Variants in MARS1 observed in about 807,000 individuals in gnomAD.
MARS1 encodes the protein methionyl-tRNA synthetase 1.
Under a neutral mutation model 119.5 loss-of-function variants are expected in MARS1, and 80 were observed. The observed-to-expected ratio is 0.67, with a 90% confidence interval of 0.56 to 0.81. MARS1 has a LOEUF of 0.81. Ranked by LOEUF, MARS1 falls within the 30% of genes least tolerant of loss-of-function variation. The pLI, the probability that MARS1 is intolerant of heterozygous loss-of-function variation, is 0.00. For synonymous variants in MARS1, 418 were observed against 433.4 expected, an observed-to-expected ratio of 0.96 and a Z score of 0.44; for missense variants, 945 against 1,116.5, an observed-to-expected ratio of 0.85 and a Z score of 2.19.
In MARS1 at chr12:57,498,492, C is replaced by A. The variant is rs976087211; in HGVS notation, c.960C>A (p.Thr320=). ...ATGAGTATGGTACAGCAACAGAGAC[C>A]AAGGCTCTGGAGGAGGGACTAACCC... is the stretch of plus-strand genomic sequence containing the variant. ...GTDEYGTATE[T]KALEEGLTPQ... The change falls in exon 9 of 21, where the codon ACC becomes ACA. Residue 320 remains threonine, a synonymous_variant. Transcript: ENST00000262027. 3 of 1,614,050 alleles carry A rather than the reference C, an allele frequency of 1.9e-6. No individual in the cohort carries two copies. Among genetic ancestry groups the A allele is most frequent in the African/African-American group, 2.7e-5 (2 of 74,916 alleles).
At chr12:57,503,550 CTTT>C (rs1157697922) in intron 10 of MARS1, among the ~76,000 whole-genome samples, 1 of 140,310 alleles carries the variant, frequency 7.1e-6, no homozygotes. Context: ...TGTCTTTTTC[CTTT>C]TTTTTTTTTT....
intron 7 of MARS1, among the ~76,000 whole-genome samples, chr12:57,493,538 A>T (rs1486192056): frequency 1.3e-4 from 1 of 7,838 alleles, no homozygotes; most frequent in African/African-American, 3.8e-4. Flanking sequence ...ATAATATATA[A>T]TATATTATAA....
Position 57,511,690 on chromosome 12 carries a change from TATCTC to T in MARS1, c.1369-6_1369-2del. 1.9e-6 allele frequency: 3 copies of T among 1,614,060 alleles called. No homozygotes were observed. The highest frequency in any genetic ancestry group is 1.1e-5 in the South Asian group (1 of 91,082). ...TCCTAAATCAGCCCTCTTTCTCCGT[TATCTC>T]AGCTGGAGAAGCGACTGGAGGAGTG... On this transcript the variant is annotated splice_region_variant and splice_polypyrimidine_tract_variant and intron_variant, in intron 11 of 20. Transcript: ENST00000262027.
chr12:57,490,052 C>T, intron 5 of MARS1, 81 bp downstream of exon 5: 1 of 1,477,250 alleles, frequency 6.8e-7, no homozygotes, highest in Non-Finnish European at 9.5e-7. Context: ...TGAGAACTCC[C>T]TTCAAGGTAC....
At position 57,491,313 on chromosome 12, in the gene MARS1, A is replaced by G. The variant is rs142525212; in HGVS notation, c.770+669A>G. Reference sequence around the variant, plus strand: ...CACCTCTACAGGCATCTCAAATTCAACATATCCAAAACCAAACCTGTTACC... The same window carrying G: ...CACCTCTACAGGCATCTCAAATTCAGCATATCCAAAACCAAACCTGTTACC... On this transcript the variant is annotated intron_variant, in intron 7 of 20. Transcript: ENST00000262027. Among the ~76,000 whole-genome samples the G allele has an allele frequency of 8.0e-4, 122 of 152,270 alleles. 1 individual carries two copies. In the East Asian group the frequency reaches 0.018, roughly 22 times the overall value.
chr12:57,488,191 G>A lies in MARS1; in HGVS notation c.101G>A (p.Gly34Asp), dbSNP rs761611879. The change falls in exon 1 of 21, where the codon GGC becomes GAC. Residue 34 changes from glycine (G) to aspartate (D), a missense_variant. Physicochemically the swap from Gly to Asp is moderately conservative, Grantham distance 94. Transcript: ENST00000262027. ...GCAGAGGTGCTCATCAGCACTGTAGGCCCGGAAGGTACTCGTGCTGGTGCT... is the reference window on the plus strand; with the variant it reads ...GCAGAGGTGCTCATCAGCACTGTAGACCCGGAAGGTACTCGTGCTGGTGCT... ...GRAEVLISTV[G>D]PEDCVVPFLT... 2 of 1,611,410 alleles carry A rather than the reference G, an allele frequency of 1.2e-6. No homozygotes were observed. The highest frequency in any genetic ancestry group is 2.2e-5 in the East Asian group (1 of 44,812).
intron 14 of MARS1, 58 bp from the exon 15 acceptor site, chr12:57,512,693 T>C: frequency 7.5e-7 from 1 of 1,327,030 alleles, no homozygotes; most frequent in South Asian, 1.2e-5. Context: ...GTTAGTGGGC[T>C]AGAGAGGGGA....
At chr12:57,504,324 A>G (rs1469602885) in intron 11 of MARS1, 25 bp downstream of exon 11, 5 of 1,597,776 alleles carry the variant, frequency 3.1e-6, no homozygotes, top group African/African-American at 1.3e-5. Context: ...CTCTCAACCT[A>G]GTTTTCAGGA....
chr12:57,507,616 C>T (rs1877260101), intron 11 of MARS1, among the ~76,000 whole-genome samples: 1 of 133,954 alleles, frequency 7.5e-6, no homozygotes, highest in African/African-American at 2.7e-5. Context: ...GGGGTCTGGC[C>T]CCCCACCTCC....
Position 57,488,136 on chromosome 12 carries a change from C to G in MARS1, c.46C>G (p.Leu16Val), listed in dbSNP as rs188955897. The G allele has an allele frequency of 4.9e-5, 79 of 1,614,182 alleles. No homozygotes were observed. The East Asian group carries it at 1.4e-3, about 30-fold the overall frequency. The part of the protein sequence containing the change: ...SDGVPGCLPV[L>V]AAAGRARGRA... ...TGGCGTCCCGGGTTGCTTGCCGGTG[C>G]TGGCCGCCGCCGGGAGAGCCCGGGG... Residue 16 changes from leucine (L) to valine (V), a missense_variant, in exon 1 of 21, where the codon CTG (leucine) becomes GTG (valine). Transcript: ENST00000262027.
rs1555165361 is a variant in MARS1, at chr12:57,489,041, C to T, written c.132C>T (p.Thr44=). ...CAGATTGTGTGGTCCCGTTCCTGAC[C>T]CGGCCTAAGGTCCCTGTCTTGCAGC... ...GPEDCVVPFL[T]RPKVPVLQLD... The change falls in exon 2 of 21, where the codon ACC becomes ACT. Residue 44 remains threonine, a synonymous_variant. Transcript: ENST00000262027. 14 of 1,613,846 alleles carry T rather than the reference C, an allele frequency of 8.7e-6. No individual in the cohort carries two copies. Among genetic ancestry groups the T allele is most frequent in the Non-Finnish European group, 1.2e-5 (14 of 1,179,982 alleles).
chr12:57,516,425 T>G lies in MARS1; in HGVS notation c.2557-10T>G. The G allele has an allele frequency of 6.2e-7, 1 of 1,612,714 alleles. No homozygotes were observed. The highest frequency in any genetic ancestry group is 8.5e-7 in the Non-Finnish European group (1 of 1,179,178). On this transcript the variant is annotated splice_polypyrimidine_tract_variant and intron_variant, in intron 20 of 20. Transcript: ENST00000262027. Reference sequence around the variant, plus strand: ...CCTCACTGTTACCTCCCCACCCCCCTTTATCTTAGGGAAACATTGTCCGAG... The same window carrying G: ...CCTCACTGTTACCTCCCCACCCCCCGTTATCTTAGGGAAACATTGTCCGAG...
intron 11 of MARS1, among the ~76,000 whole-genome samples, chr12:57,510,201 T>C (rs1428841509): frequency 6.6e-6 from 1 of 152,122 alleles, no homozygotes; most frequent in Non-Finnish European, 1.5e-5. Flanking sequence ...TGACTAGGCA[T>C]GGTGACTCAC....
At chr12:57,490,759 C>A in intron 7 of MARS1, 115 bp downstream of exon 7, 2 of 578,302 alleles carry the variant, frequency 3.5e-6, no homozygotes, top group Non-Finnish European at 5.9e-6. Context: ...TTTTCATCCT[C>A]TCCTTTTAAT....
At chr12:57,494,494 ATTTTT>A (rs59160934) in intron 7 of MARS1, among the ~76,000 whole-genome samples, 3 of 95,488 alleles carry the variant, frequency 3.1e-5, no homozygotes, top group Non-Finnish European at 6.3e-5. Context: ...CGCCTGGCTA[ATTTTT>A]TTTTTTTTTT....
At chr12:57,489,389 CG>C (rs754582237) in intron 3 of MARS1, 34 bp from the exon 4 acceptor site, 15 of 1,614,004 alleles carry the variant, frequency 9.3e-6, no homozygotes, top group Non-Finnish European at 1.3e-5. Flanking sequence ...CCTTGTTCTG[CG>C]TGGCCATCCT....
chr12:57,496,834 T>G (rs1876661050), intron 7 of MARS1, among the ~76,000 whole-genome samples: 2 of 151,920 alleles, frequency 1.3e-5, no homozygotes, highest in Admixed American at 1.3e-4. Flanking sequence ...GCAAATACAT[T>G]TAAATGCATA....
At position 57,488,552 on chromosome 12, in the gene MARS1, G is replaced by A. The variant is rs1034451551; in HGVS notation, c.109+353G>A. 8 of 1,546,076 alleles carry A rather than the reference G, an allele frequency of 5.2e-6. No homozygotes were observed. In the Admixed American group the frequency reaches 5.9e-5, roughly 11 times the overall value. On this transcript the variant is annotated intron_variant, in intron 1 of 20. Transcript: ENST00000262027. ...CATGACAGCCCCCAGGCACCCTTTT[G>A]TGTTCTTAGGAAATCCCTCTCTCCC... is the stretch of plus-strand genomic sequence containing the variant.
Position 57,490,543 on chromosome 12 carries a change from G to C in MARS1, c.669G>C (p.Glu223Asp). 1 of 1,614,118 alleles carries C rather than the reference G, an allele frequency of 6.2e-7. No homozygotes were observed. The highest frequency in any genetic ancestry group is 8.5e-7 in the Non-Finnish European group (1 of 1,179,980). ...ATTCTCTCCACTCTTTATAGGAGGA[G>C]GAGCTGGCTACCCTATCTGAGGAGG... is the stretch of plus-strand genomic sequence containing the variant. ...GRAVTNEPEE[E>D]ELATLSEEEI... is the part of the protein sequence containing the mutation. The change falls in exon 7 of 21, where the codon GAG becomes GAC. Residue 223 changes from glutamate (E) to aspartate (D), a missense_variant. Transcript: ENST00000262027.
Sources: gnomAD v4.1 joint callset for allele counts (sites outside exome capture counted in the v4.1 genomes callset) on GRCh38, gnomAD v4.1.1 for gene constraint, MANE v1.5 for transcripts, NCBI Gene and HGNC (gene_info 2026-07-23, HGNC 2026-07-21) for gene names.